Variants in GNAI1 observed in about 807,000 individuals in gnomAD.
GNAI1 encodes the protein G protein subunit alpha i1.
A neutral mutation model predicts 38.9 loss-of-function variants in GNAI1; 11 were observed. The observed-to-expected ratio is 0.28, with a 90% CI of 0.18 to 0.47. The LOEUF (loss-of-function observed/expected upper bound fraction) is 0.47. GNAI1 is among the 20% of genes least tolerant of loss of function. GNAI1 has a pLI of 0.99. For missense variants in GNAI1, 317 were observed against 436.9 expected (o/e 0.73, Z 2.45); for synonymous variants, 166 against 145.1 (o/e 1.14, Z -1.04).
In GNAI1 at chr7:80,223,703, G is replaced by T. The variant is rs969826861; in HGVS notation, c.*6210G>T. Among the ~76,000 whole-genome samples the T allele has an allele frequency of 1.3e-5, 2 of 152,126 alleles. No homozygotes were observed. Among genetic ancestry groups the T allele is most frequent in the Non-Finnish European group, 2.9e-5 (2 of 68,008 alleles). ...CAATTTTAGTATAACATGTTTTCCT[G>T]TTTACAAATATAAGTAATTACCTTT... On this transcript the variant is annotated 3_prime_UTR_variant, in exon 8 of 8. Transcript: ENST00000649796.
chr7:80,199,002 T>TA (rs1286720130), intron 3 of GNAI1, among the ~76,000 whole-genome samples: 2 of 152,192 alleles, frequency 1.3e-5, no homozygotes, highest in African/African-American at 4.8e-5. Context: ...CCTTGACAGA[T>TA]ACTACTAACA....
intron 1 of GNAI1, among the ~76,000 whole-genome samples, chr7:80,139,978 CT>C (rs377275135): frequency 0.2 from 19,789 of 98,192 alleles, 1,639 homozygotes; most frequent in South Asian, 0.35. Flanking sequence ...GCCCCAATTT[CT>C]TTTTTTTTTT....
At chr7:80,156,487 G>C (rs1032156846) in intron 1 of GNAI1, among the ~76,000 whole-genome samples, 1 of 151,518 alleles carries the variant, frequency 6.6e-6, no homozygotes, top group Non-Finnish European at 1.5e-5. Context: ...GGAGTGCAGC[G>C]GTGCAACCAT....
At chr7:80,163,898 A>G (rs1049758406) in intron 1 of GNAI1, among the ~76,000 whole-genome samples, 1 of 151,732 alleles carries the variant, frequency 6.6e-6, no homozygotes, top group Non-Finnish European at 1.5e-5. Context: ...TCTTGTGTCT[A>G]ATAGTCTTAT....
intron 1 of GNAI1, among the ~76,000 whole-genome samples, chr7:80,149,140 T>C (rs898070003): frequency 2.6e-5 from 4 of 152,158 alleles, no homozygotes; most frequent in African/African-American, 7.2e-5. Flanking sequence ...TGATGTTGTA[T>C]TGCAAATGTA....
intron 1 of GNAI1, among the ~76,000 whole-genome samples, chr7:80,174,838 G>T (rs1009957114): frequency 6.6e-6 from 1 of 152,072 alleles, no homozygotes; most frequent in African/African-American, 2.4e-5. Flanking sequence ...GTCATTCAGG[G>T]ATCCAAGTAC....
chr7:80,138,916 CA>C (rs1357293263), intron 1 of GNAI1, among the ~76,000 whole-genome samples: 1 of 152,106 alleles, frequency 6.6e-6, no homozygotes, highest in Non-Finnish European at 1.5e-5. Context: ...TTGCTGCCAC[CA>C]GGCAGCCCTT....
intron 1 of GNAI1, among the ~76,000 whole-genome samples, chr7:80,143,821 CTG>C (rs1287086261): frequency 3.9e-5 from 6 of 152,068 alleles, no homozygotes; most frequent in African/African-American, 7.2e-5. Context: ...TTCAGAGACT[CTG>C]TGGAATCAGC....
At chr7:80,157,643 T>A (rs1787841233) in intron 1 of GNAI1, among the ~76,000 whole-genome samples, 1 of 152,178 alleles carries the variant, frequency 6.6e-6, no homozygotes, top group Non-Finnish European at 1.5e-5. Flanking sequence ...CTAATAAATG[T>A]GTAGTGGTAT....
intron 1 of GNAI1, among the ~76,000 whole-genome samples, chr7:80,175,607 A>G (rs1167414960): frequency 6.6e-6 from 1 of 151,378 alleles, no homozygotes; most frequent in African/African-American, 2.4e-5. Flanking sequence ...TGCATCCAGC[A>G]AGTCTGTCAA....
chr7:80,217,176 G>T, intron 7 of GNAI1, 127 bp from the exon 8 acceptor site: 1 of 179,692 alleles, frequency 5.6e-6, no homozygotes, highest in Non-Finnish European at 9.8e-6. Flanking sequence ...GGAAAGCACA[G>T]TTAAGGAGTC....
chr7:80,199,129 A>G (rs907105333), intron 3 of GNAI1, 96 bp from the exon 4 acceptor site: 6 of 854,908 alleles, frequency 7.0e-6, no homozygotes, highest in Non-Finnish European at 3.5e-6. Context: ...GAAGTTCGCT[A>G]TTGCCTTTTT....
At chr7:80,166,361 G>T (rs1172403805) in intron 1 of GNAI1, among the ~76,000 whole-genome samples, 1 of 151,950 alleles carries the variant, frequency 6.6e-6, no homozygotes, top group Non-Finnish European at 1.5e-5. Flanking sequence ...TTTGATTGTT[G>T]GAGAAAACAG....
At chr7:80,186,457 G>A (rs1036834956) in intron 1 of GNAI1, among the ~76,000 whole-genome samples, 4 of 152,144 alleles carry the variant, frequency 2.6e-5, no homozygotes, top group South Asian at 2.1e-4. Context: ...AAGTTAATTA[G>A]AATGTAGAGA....
chr7:80,194,270 A>C (rs1459824284), intron 3 of GNAI1, among the ~76,000 whole-genome samples: 1 of 152,080 alleles, frequency 6.6e-6, no homozygotes, highest in African/African-American at 2.4e-5. Flanking sequence ...TCTATTGATT[A>C]TATTTTTATT....
intron 4 of GNAI1, among the ~76,000 whole-genome samples, chr7:80,202,637 T>TC (rs1431136516): frequency 1.3e-5 from 2 of 152,210 alleles, no homozygotes; most frequent in African/African-American, 4.8e-5. Flanking sequence ...CAGGCTGTCA[T>TC]CTCTCTATGT....
intron 1 of GNAI1, chr7:80,135,529 G>T: frequency 2.6e-6 from 1 of 383,298 alleles, no homozygotes; most frequent in East Asian, 3.9e-5. Flanking sequence ...GCTTTCGTGC[G>T]ACCCAGCAAA....
At chr7:80,216,080 A>G (rs1258685355) in intron 7 of GNAI1, among the ~76,000 whole-genome samples, 2 of 152,150 alleles carry the variant, frequency 1.3e-5, no homozygotes, top group East Asian at 3.9e-4. Flanking sequence ...TTTTTTTCCA[A>G]ATGAAATTTG....
intron 1 of GNAI1, among the ~76,000 whole-genome samples, chr7:80,149,876 G>A (rs1347720007): frequency 6.6e-6 from 1 of 152,022 alleles, no homozygotes; most frequent in African/African-American, 2.4e-5. Context: ...AAGTAGAGAA[G>A]AATTTGTTAA....
Sources: allele counts gnomAD v4.1 joint callset (sites outside exome capture counted in the v4.1 genomes callset), GRCh38; gene constraint gnomAD v4.1.1; transcripts MANE v1.5; gene names NCBI Gene and HGNC (gene_info 2026-07-23, HGNC 2026-07-21).